MROH2B: variants seen among roughly 807,000 people sequenced by gnomAD.
MROH2B encodes the protein maestro heat like repeat family member 2B.
A neutral mutation model predicts 208.6 loss-of-function variants in MROH2B; 177 were observed. That is an observed-to-expected ratio of 0.85 (90% CI 0.75 to 0.96). The LOEUF (loss-of-function observed/expected upper bound fraction) is 0.96, where lower values mean the gene tolerates loss of function less well. Ranked by LOEUF, MROH2B falls within the 40% of genes least tolerant of loss-of-function variation. The probability of loss-of-function intolerance (pLI) is 0.00; values close to 1 mark genes in which losing one functional copy is unlikely to be tolerated. For synonymous variants in MROH2B, 728 were observed against 659.0 expected (o/e 1.10, Z -1.60); for missense variants, 2,002 against 1,878.7 (o/e 1.07, Z -1.21).
chr5:41,016,071 GCC>G (rs889697886), intron 28 of MROH2B, among the ~76,000 whole-genome samples: 3 of 152,188 alleles, frequency 2.0e-5, no homozygotes, highest in Non-Finnish European at 2.9e-5. Flanking sequence ...AGGCAGCCTA[GCC>G]CAGTGGGACA....
chr5:41,057,456 A>G, intron 7 of MROH2B, 96 bp from the exon 8 acceptor site: 1 of 933,640 alleles, frequency 1.1e-6, no homozygotes, highest in South Asian at 1.6e-5. Flanking sequence ...GAGAAAAACA[A>G]GCTTCTCATC....
At chr5:41,011,766 C>T (rs1752380988) in intron 30 of MROH2B, among the ~76,000 whole-genome samples, 1 of 151,680 alleles carries the variant, frequency 6.6e-6, no homozygotes, top group South Asian at 2.1e-4. Flanking sequence ...CTCCCTGGTT[C>T]AAGTGATTCT....
At chr5:41,050,269 C>T (rs1743246966) in intron 13 of MROH2B, among the ~76,000 whole-genome samples, 1 of 152,084 alleles carries the variant, frequency 6.6e-6, no homozygotes, top group South Asian at 2.1e-4. Context: ...TTTGGCATTC[C>T]AGGCCCTTTA....
chr5:41,045,174 G>C (rs531340021), intron 18 of MROH2B, among the ~76,000 whole-genome samples: 8 of 152,266 alleles, frequency 5.3e-5, no homozygotes, highest in Middle Eastern at 3.4e-3. Context: ...AATAATGTTT[G>C]AAAAATACTT....
Position 41,065,416 on chromosome 5 carries a change from C to T in MROH2B, c.276G>A (p.Met92Ile). 1 of 1,613,578 alleles carries T rather than the reference C, an allele frequency of 6.2e-7. No individual in the cohort carries two copies. The highest frequency in any genetic ancestry group is 8.5e-7 in the Non-Finnish European group (1 of 1,179,678). Residue 92 changes from methionine (M) to isoleucine (I), a missense_variant, in exon 4 of 42, where the codon ATG (methionine) becomes ATA (isoleucine). Transcript: ENST00000399564. ...TCCTGAAGTTACTTTGTACTTCATA[C>T]ATCACAGAGTTGAAATCATGTGCAG... ...SLAAHDFNSV[M>I]YEVQSNFRIL... is the part of the protein sequence containing the mutation.
chr5:41,027,999 G>C (rs898333936), intron 24 of MROH2B, among the ~76,000 whole-genome samples: 1 of 151,916 alleles, frequency 6.6e-6, no homozygotes. Context: ...GAGAACACTT[G>C]GAAACAGGGT....
At position 41,048,335 on chromosome 5, in the gene MROH2B, T is replaced by C. The variant is rs1232513601; in HGVS notation, c.1673A>G (p.Gln558Arg). 6.2e-6 allele frequency: 10 copies of C among 1,613,196 alleles called. No individual in the cohort carries two copies. The highest frequency in any genetic ancestry group is 8.5e-6 in the Non-Finnish European group (10 of 1,179,468). ...CCAATCCCTTGTACCTTCCAGAGGCTGCAGAAGCTCAGGTAAACGTGTTTT... is the reference window on the plus strand; with the variant it reads ...CCAATCCCTTGTACCTTCCAGAGGCCGCAGAAGCTCAGGTAAACGTGTTTT... The part of the protein sequence containing the change: ...LWKTRLPELL[Q>R]PLEGKNISTV... The change falls in exon 16 of 42, where the codon CAG becomes CGG. Residue 558 changes from glutamine (Q) to arginine (R), a missense_variant. Physicochemically the swap from Gln to Arg is conservative, Grantham distance 43. Transcript: ENST00000399564.
chr5:41,061,767 G>A (rs1221171031), intron 5 of MROH2B, 43 bp from the exon 6 acceptor site: 1 of 1,576,558 alleles, frequency 6.3e-7, no homozygotes, highest in African/African-American at 1.4e-5. Context: ...AAAATATAAG[G>A]ATGGGGCAGA....
chr5:41,008,298 A>G (rs1480699729), intron 33 of MROH2B, among the ~76,000 whole-genome samples: 2 of 152,154 alleles, frequency 1.3e-5, no homozygotes, highest in Non-Finnish European at 2.9e-5. Context: ...GTGGCCTTGA[A>G]GATCACAAGA....
In MROH2B at chr5:40,999,637, AG is replaced by A. The variant is rs775352082; in HGVS notation, c.4585+39del. 1.2e-5 allele frequency: 19 copies of A among 1,550,226 alleles called. No homozygotes were observed. In the East Asian group the frequency reaches 3.9e-4, roughly 32 times the overall value. ...GGTCAAAGCAAAACTAGGTGGAAAA[AG>A]CAGACATATCTGGGTAGGAAATGGG... is the stretch of plus-strand genomic sequence containing the variant. On this transcript the variant is annotated intron_variant, in intron 40 of 41. Coordinates refer to ENST00000399564, the MANE Select transcript of MROH2B (RefSeq NM_173489.5).
chr5:41,007,234 G>T, intron 34 of MROH2B, 80 bp downstream of exon 34: 1 of 1,297,214 alleles, frequency 7.7e-7, no homozygotes, highest in South Asian at 2.2e-5. Context: ...GCTCAGTGAA[G>T]TTGCCTGTAT....
rs1742311889 is a variant in MROH2B at position 41,025,303 on chromosome 5, A to G, written c.2442-6285T>C. 2.6e-5 allele frequency among the ~76,000 whole-genome samples: 4 copies of G among 152,186 alleles called. No individual in the cohort carries two copies. In the South Asian group the frequency reaches 8.3e-4, roughly 31 times the overall value. On this transcript the variant is annotated intron_variant, in intron 24 of 41. Transcript: ENST00000399564. ...AGACCACTAGCAAGACTAATAAAGAAGAAAAGAGAGAGGAATCAAACAGAC... is the reference window on the plus strand; with the variant it reads ...AGACCACTAGCAAGACTAATAAAGAGGAAAAGAGAGAGGAATCAAACAGAC...
At chr5:41,070,637 A>C (rs752313922) in intron 1 of MROH2B, among the ~76,000 whole-genome samples, 188 bp downstream of exon 1, 1 of 152,136 alleles carries the variant, frequency 6.6e-6, no homozygotes, top group Non-Finnish European at 1.5e-5. Flanking sequence ...TTAGGCTTCC[A>C]GTCTATTATT....
intron 33 of MROH2B, 74 bp downstream of exon 33, chr5:41,008,532 T>TC: frequency 6.5e-7 from 1 of 1,530,862 alleles, no homozygotes; most frequent in Non-Finnish European, 8.9e-7. Context: ...GCACAGACCC[T>TC]GACTTCTGCA....
intron 29 of MROH2B, among the ~76,000 whole-genome samples, chr5:41,014,906 G>A (rs1054978996): frequency 1.3e-5 from 2 of 152,130 alleles, no homozygotes; most frequent in Non-Finnish European, 2.9e-5. Flanking sequence ...AGTGAAACAG[G>A]AATTGTATTT....
At chr5:41,024,510 T>A (rs1378917575) in intron 24 of MROH2B, among the ~76,000 whole-genome samples, 1 of 152,126 alleles carries the variant, frequency 6.6e-6, no homozygotes, top group African/African-American at 2.4e-5. Context: ...ATGCACCCAA[T>A]ACAGGAGCAC....
At chr5:41,004,261 T>G (rs1483830859) in intron 37 of MROH2B, 85 bp downstream of exon 37, 1 of 1,480,770 alleles carries the variant, frequency 6.8e-7, no homozygotes, top group African/African-American at 1.4e-5. Flanking sequence ...GGTGGGACAC[T>G]GACAATGTCT....
chr5:41,020,376 A>T (rs1170968642), intron 24 of MROH2B, among the ~76,000 whole-genome samples: 1 of 152,122 alleles, frequency 6.6e-6, no homozygotes, highest in Non-Finnish European at 1.5e-5. Context: ...TTCAAGATTG[A>T]TTTATTTGAG....
Position 41,008,628 on chromosome 5 carries a change from G to T in MROH2B, c.3586C>A (p.Gln1196Lys). Reference protein sequence around the residue: ...RRHVMQQGEQQQIPDPCRLST... With the variant: ...RRHVMQQGEQKQIPDPCRLST... ...TACCTGCAGGGGTCTGGGATCTGCT[G>T]CTGTTCTCCCTGCTGCATCACATGC... Residue 1196 changes from glutamine (Q) to lysine (K), a missense_variant, in exon 33 of 42, where the codon CAG (glutamine) becomes AAG (lysine). Gln to Lys is a moderately conservative substitution (Grantham distance 53). Coordinates refer to ENST00000399564, the MANE Select transcript of MROH2B (RefSeq NM_173489.5). 4.3e-6 allele frequency: 7 copies of T among 1,613,844 alleles called. No individual in the cohort carries two copies. Among genetic ancestry groups the T allele is most frequent in the Middle Eastern group, 1.7e-4 (1 of 6,016 alleles).
Sources: gnomAD v4.1 joint callset for allele counts (sites outside exome capture counted in the v4.1 genomes callset) on GRCh38, gnomAD v4.1.1 for gene constraint, MANE v1.5 for transcripts, NCBI Gene and HGNC (gene_info 2026-07-23, HGNC 2026-07-21) for gene names.